MGAT4C: variants seen among roughly 807,000 people sequenced by gnomAD.
The protein encoded by MGAT4C is MGAT4 family member C.
MGAT4C carries 19 observed loss-of-function variants against 40.1 expected under a neutral mutation model. The observed-to-expected ratio is 0.47, with a 90% confidence interval of 0.33 to 0.70. The LOEUF (loss-of-function observed/expected upper bound fraction) is 0.70, where lower values mean the gene tolerates loss of function less well. Ranked by LOEUF, MGAT4C falls within the 30% of genes least tolerant of loss-of-function variation. The pLI, the probability that MGAT4C is intolerant of heterozygous loss-of-function variation, is 0.02. For missense variants in MGAT4C, 491 were observed against 563.2 expected (o/e 0.87, Z 1.30); for synonymous variants, 181 against 187.1 (o/e 0.97, Z 0.27).
At chr12:86,352,731 T>A (rs1955193502) in intron 3 of MGAT4C, among the ~76,000 whole-genome samples, 1 of 152,138 alleles carries the variant, frequency 6.6e-6, no homozygotes, top group African/African-American at 2.4e-5. Context: ...TAAAGCTTCC[T>A]ATCACACACA....
intron 1 of MGAT4C, among the ~76,000 whole-genome samples, chr12:86,743,530 A>G (rs1951106221): frequency 6.6e-6 from 1 of 151,700 alleles, no homozygotes; most frequent in South Asian, 2.1e-4. Flanking sequence ...TTTTCTGGCT[A>G]TGATAGATTT....
At chr12:86,495,813 A>G (rs1281938371) in intron 2 of MGAT4C, among the ~76,000 whole-genome samples, 1 of 151,948 alleles carries the variant, frequency 6.6e-6, no homozygotes, top group East Asian at 1.9e-4. Flanking sequence ...TTCTTCCTCA[A>G]ACAAGAAACT....
intron 1 of MGAT4C, among the ~76,000 whole-genome samples, chr12:86,728,474 G>A (rs558245091): frequency 1.1e-4 from 16 of 152,258 alleles, no homozygotes; most frequent in South Asian, 1.0e-3. Flanking sequence ...GTGAATTACC[G>A]GAGGTCAGCG....
intron 1 of MGAT4C, among the ~76,000 whole-genome samples, chr12:86,138,537 A>G (rs1342421220): frequency 6.8e-6 from 1 of 147,858 alleles, no homozygotes; most frequent in Non-Finnish European, 1.5e-5. Context: ...TCATGTATAT[A>G]TTTCCATAGA....
At chr12:86,572,883 C>G (rs924755206) in intron 2 of MGAT4C, among the ~76,000 whole-genome samples, 3 of 151,970 alleles carry the variant, frequency 2.0e-5, no homozygotes, top group African/African-American at 7.2e-5. Context: ...CTTCCTTCCC[C>G]TTTTTCCTAA....
chr12:86,023,202 G>T (rs1030241247), intron 2 of MGAT4C, among the ~76,000 whole-genome samples: 5 of 152,010 alleles, frequency 3.3e-5, no homozygotes, highest in African/African-American at 9.7e-5. Context: ...GAAATGTTAT[G>T]TTATTGTTCC....
chr12:86,576,163 T>G (rs1394214332), intron 2 of MGAT4C, among the ~76,000 whole-genome samples: 1 of 151,964 alleles, frequency 6.6e-6, no homozygotes, highest in Non-Finnish European at 1.5e-5. Context: ...TTTTGTATGT[T>G]TTTTGATTGG....
At chr12:86,786,103 TA>T (rs1355910081) in intron 1 of MGAT4C, among the ~76,000 whole-genome samples, 1 of 152,018 alleles carries the variant, frequency 6.6e-6, no homozygotes, top group African/African-American at 2.4e-5. Flanking sequence ...TGTTACATGT[TA>T]GGAGAACAAA....
intron 3 of MGAT4C, among the ~76,000 whole-genome samples, chr12:86,412,069 CAGA>C (rs1228430864): frequency 6.6e-6 from 1 of 152,202 alleles, no homozygotes; most frequent in Non-Finnish European, 1.5e-5. Flanking sequence ...ACCTAGATGT[CAGA>C]AGATGTATCT....
intron 1 of MGAT4C, among the ~76,000 whole-genome samples, chr12:86,190,499 A>G (rs1371980801): frequency 1.3e-5 from 2 of 152,076 alleles, no homozygotes; most frequent in African/African-American, 4.8e-5. Context: ...TCCTTTAACC[A>G]TCTCTGGAGT....
chr12:85,999,587 A>ATATG (rs1887060733), intron 2 of MGAT4C, among the ~76,000 whole-genome samples: 1 of 69,716 alleles, frequency 1.4e-5, no homozygotes, highest in Non-Finnish European at 4.5e-5. Context: ...GTGTGTGTAT[A>ATATG]TATATATATA....
intron 3 of MGAT4C, among the ~76,000 whole-genome samples, chr12:86,407,814 T>C (rs376080472): frequency 1.3e-5 from 2 of 152,132 alleles, no homozygotes; most frequent in African/African-American, 4.8e-5. Context: ...TAGCCTTATG[T>C]CAGCCATAAG....
chr12:85,975,087 T>C lies in MGAT4C; in HGVS notation c.*4202A>G, dbSNP rs1001811166. The C allele has an allele frequency of 2.6e-5, 4 of 150,950 alleles. No individual in the cohort carries two copies. Among genetic ancestry groups the C allele is most frequent in the African/African-American group, 9.7e-5 (4 of 41,326 alleles). 9.4% of individuals were successfully genotyped at this position (150,950 alleles called of 1,614,324 possible). ...CTTAAAACAGAAATGAATATTATTA[T>C]TTGTGATGAGAGCACTAGGGGCAAT... On this transcript the variant is annotated 3_prime_UTR_variant, in exon 5 of 5. Transcript: ENST00000611864.
At chr12:86,501,008 C>T (rs888286458) in intron 2 of MGAT4C, among the ~76,000 whole-genome samples, 8 of 152,102 alleles carry the variant, frequency 5.3e-5, no homozygotes, top group African/African-American at 1.9e-4. Flanking sequence ...AAATTTAACT[C>T]CTTGCATACT....
intron 2 of MGAT4C, among the ~76,000 whole-genome samples, chr12:86,468,418 C>A (rs1351243950): frequency 1.3e-5 from 2 of 152,198 alleles, no homozygotes; most frequent in East Asian, 1.9e-4. Context: ...CCCCCTATGT[C>A]ATTTTATCTT....
rs945480861 is a variant in MGAT4C, at chr12:85,957,056, T to G, written c.*22233A>C. On this transcript the variant is annotated 3_prime_UTR_variant, in exon 5 of 5. Coordinates refer to ENST00000611864, the MANE Select transcript of MGAT4C (RefSeq NM_001351288.2). ...AATGAGAGTATGTAGATGCGAGCCC[T>G]TTGCTGCTGGCAAAGCTTTAAAAAT... The G allele has an allele frequency of 3.9e-5, 6 of 152,182 alleles. No homozygotes were observed. Among genetic ancestry groups the G allele is most frequent in the African/African-American group, 1.2e-4 (5 of 41,458 alleles). 9.4% of individuals were successfully genotyped at this position (152,182 alleles called of 1,614,324 possible).
intron 4 of MGAT4C, among the ~76,000 whole-genome samples, chr12:86,270,080 CT>C (rs1952904313): frequency 6.6e-6 from 1 of 151,684 alleles, no homozygotes; most frequent in African/African-American, 2.4e-5. Flanking sequence ...TTTTGTTTTT[CT>C]TTTGAGACAG....
At chr12:86,540,442 G>T (rs936734041) in intron 2 of MGAT4C, among the ~76,000 whole-genome samples, 2 of 152,196 alleles carry the variant, frequency 1.3e-5, no homozygotes, top group African/African-American at 4.8e-5. Flanking sequence ...AACCTCATGA[G>T]AAATTCTAAG....
chr12:86,797,719 T>C (rs1200792484), intron 1 of MGAT4C, among the ~76,000 whole-genome samples: 1 of 151,988 alleles, frequency 6.6e-6, no homozygotes, highest in Non-Finnish European at 1.5e-5. Flanking sequence ...CTAATGAAAA[T>C]CAATCCTGTA....
Sources: gnomAD v4.1 joint callset for allele counts (sites outside exome capture counted in the v4.1 genomes callset) on GRCh38, gnomAD v4.1.1 for gene constraint, MANE v1.5 for transcripts, NCBI Gene and HGNC (gene_info 2026-07-23, HGNC 2026-07-21) for gene names.